LINGO1: variants seen among roughly 807,000 people sequenced by gnomAD.
The protein encoded by LINGO1 is leucine-rich repeat and immunoglobulin-like domain-containing nogo receptor-interacting protein 1.
Under a neutral mutation model 37.3 loss-of-function variants are expected in LINGO1, and 11 were observed. That is an observed-to-expected ratio of 0.29 (90% CI 0.19 to 0.49). The LOEUF is 0.49. LINGO1 is among the 20% of genes least tolerant of loss of function. The pLI, the probability that LINGO1 is intolerant of heterozygous loss-of-function variation, is 0.99. For missense variants in LINGO1, 585 were observed against 878.2 expected, an observed-to-expected ratio of 0.67 and a Z score of 4.22; for synonymous variants, 387 against 403.0, an observed-to-expected ratio of 0.96 and a Z score of 0.48.
At chr15:77,713,210 T>TTGTGTGTGTGTG (rs57831674) in intron 2 of LINGO1, among the ~76,000 whole-genome samples, 1,615 of 123,754 alleles carry the variant, frequency 0.013, 45 homozygotes, top group Admixed American at 0.039. Flanking sequence ...GCCCAGCTAA[T>TTGTGTGTGTGTG]TGTGTGTGTG....
At chr15:77,785,219 C>A (rs1203625887) in intron 1 of LINGO1, 2 of 152,216 alleles carry the variant, frequency 1.3e-5, no homozygotes, top group African/African-American at 4.8e-5. Flanking sequence ...AGCCTCCCAG[C>A]CCTCTCAGCC....
chr15:77,730,673 C>T (rs773472342), intron 2 of LINGO1, among the ~76,000 whole-genome samples: 20 of 152,236 alleles, frequency 1.3e-4, no homozygotes, highest in Non-Finnish European at 2.5e-4. Context: ...CATCAGTAGA[C>T]GCTCTGGAGC....
At chr15:77,711,507 T>C (rs545624626) in intron 2 of LINGO1, among the ~76,000 whole-genome samples, 9 of 152,214 alleles carry the variant, frequency 5.9e-5, no homozygotes, top group African/African-American at 1.7e-4. Flanking sequence ...TGAATGAGTG[T>C]TGGTAAAGAT....
chr15:77,795,928 T>C (rs1477145575), intron 2 of LINGO1: 1 of 152,214 alleles, frequency 6.6e-6, no homozygotes, highest in Admixed American at 6.5e-5. Context: ...CCACCCAGAG[T>C]GGCATCTTAC....
chr15:77,668,443 T>C (rs1184935379), intron 3 of LINGO1, among the ~76,000 whole-genome samples: 1 of 152,156 alleles, frequency 6.6e-6, no homozygotes, highest in East Asian at 1.9e-4. Flanking sequence ...AACCTGCATG[T>C]AATGCCAGTC....
chr15:77,776,488 A>AGGAAG lies in LINGO1; in HGVS notation c.-257+10380_-257+10381insCTTCC, dbSNP rs1567577582. On this transcript the variant is annotated intron_variant, in intron 1 of 3. Coordinates refer to the LINGO1 transcript ENST00000561686. Reference sequence around the variant, plus strand: ...AGGCAGGAAGGCAGGAAGGCAGGAAAGCAGGAAGGCAGGAAGGCAGGAAGG... The same window carrying AGGAAG: ...AGGCAGGAAGGCAGGAAGGCAGGAAAGGAAGGCAGGAAGGCAGGAAGGCAGGAAGG... Among the ~76,000 whole-genome samples, 74 of 90,654 alleles carry AGGAAG rather than the reference A, an allele frequency of 8.2e-4. 1 individual carries two copies. The highest frequency in any genetic ancestry group is 3.2e-3 in the African/African-American group (65 of 20,200). The allele number at this position is 90,654 out of a possible 152,430, so 59.5% of individuals were successfully genotyped here. A position where few individuals can be genotyped will look rare whatever the true frequency, so the allele number is the denominator to read the frequency against.
chr15:77,783,668 T>C (rs1425097177), intron 1 of LINGO1, among the ~76,000 whole-genome samples: 2 of 152,210 alleles, frequency 1.3e-5, no homozygotes, highest in South Asian at 4.1e-4. Context: ...GATGAGACTG[T>C]ATCTCAAAAC....
intron 1 of LINGO1, among the ~76,000 whole-genome samples, chr15:77,765,715 G>A (rs897471729): frequency 2.0e-5 from 3 of 152,096 alleles, no homozygotes; most frequent in South Asian, 4.2e-4. Flanking sequence ...GAAAACTGAA[G>A]GAGTAGTTGA....
At chr15:77,617,268 C>T (rs2073759595) in intron 1 of LINGO1, among the ~76,000 whole-genome samples, 1 of 152,170 alleles carries the variant, frequency 6.6e-6, no homozygotes, top group African/African-American at 2.4e-5. Context: ...CCATCTCCTC[C>T]TTCCCTCTTC....
chr15:77,733,937 G>A (rs1277057393), intron 2 of LINGO1, among the ~76,000 whole-genome samples: 1 of 152,154 alleles, frequency 6.6e-6, no homozygotes, highest in Non-Finnish European at 1.5e-5. Context: ...CACATCTATT[G>A]AGCACCAACT....
intron 1 of LINGO1, among the ~76,000 whole-genome samples, chr15:77,745,254 G>A (rs941589349): frequency 2.2e-4 from 34 of 151,684 alleles, no homozygotes; most frequent in African/African-American, 8.0e-4. Context: ...GTGAAACTCC[G>A]TCTCTACTAA....
intron 1 of LINGO1, among the ~76,000 whole-genome samples, chr15:77,781,468 G>A (rs1259254578): frequency 2.0e-5 from 3 of 152,198 alleles, no homozygotes; most frequent in Non-Finnish European, 2.9e-5. Flanking sequence ...TAATTAAAGT[G>A]GATTAAAATT....
intron 1 of LINGO1, among the ~76,000 whole-genome samples, chr15:77,761,611 A>G (rs1429896528): frequency 6.6e-6 from 1 of 152,258 alleles, no homozygotes; most frequent in African/African-American, 2.4e-5. Flanking sequence ...AGTCAGGCAC[A>G]GGACATTCCA....
At chr15:77,790,466 AG>A (rs2076809746), upstream of LINGO1, among the ~76,000 whole-genome samples, 1 of 152,162 alleles carries the variant, frequency 6.6e-6, no homozygotes, top group African/African-American at 2.4e-5. Context: ...AGACACACAG[AG>A]GGGCTGGGTG....
intron 1 of LINGO1, among the ~76,000 whole-genome samples, chr15:77,778,740 A>G (rs943537485): frequency 2.6e-5 from 4 of 152,118 alleles, no homozygotes; most frequent in Non-Finnish European, 4.4e-5. Context: ...GATTATTTCA[A>G]CAGCCTCCCC....
Position 77,622,891 on chromosome 15 carries a change from C to T in LINGO1, c.7-6991G>A, listed in dbSNP as rs1424269356. Among the ~76,000 whole-genome samples the T allele has an allele frequency of 2.6e-5, 4 of 152,370 alleles. No homozygotes were observed. The South Asian group carries it at 8.3e-4, about 32-fold the overall frequency. On this transcript the variant is annotated intron_variant, in intron 1 of 1. Transcript: ENST00000355300. ...CTCTAGCCTGAGAAGAAGCAACGGCCTCTGGCGGGTCCCCTCTGGATCTCC... is the reference window on the plus strand; with the variant it reads ...CTCTAGCCTGAGAAGAAGCAACGGCTTCTGGCGGGTCCCCTCTGGATCTCC...
At position 77,691,103 on chromosome 15, in the gene LINGO1, C is replaced by T. The variant is rs545990479; in HGVS notation, c.-280-202G>A. 1.6e-4 allele frequency among the ~76,000 whole-genome samples: 25 copies of T among 152,288 alleles called. No homozygotes were observed. The South Asian group carries it at 2.7e-3, about 16-fold the overall frequency. ...GTCTCTGCACTGTCCAATATGGCAG[C>T]CACCAGTCATATGCGGATATTGCAA... On this transcript the variant is annotated intron_variant, in intron 1 of 3. Coordinates refer to the LINGO1 transcript ENST00000559893.
intron 1 of LINGO1, among the ~76,000 whole-genome samples, chr15:77,748,477 C>T (rs953923904): frequency 2.6e-5 from 4 of 152,228 alleles, no homozygotes; most frequent in Non-Finnish European, 4.4e-5. Flanking sequence ...GCTCAGGGCC[C>T]GCCCTCAAGG....
chr15:77,627,007 G>A (rs1375936424), intron 1 of LINGO1, among the ~76,000 whole-genome samples: 2 of 143,514 alleles, frequency 1.4e-5, no homozygotes, highest in African/African-American at 5.2e-5. Flanking sequence ...GAAGAAGCGT[G>A]CTGGCCAGGC....
Sources: allele counts gnomAD v4.1 joint callset (sites outside exome capture counted in the v4.1 genomes callset), GRCh38; gene constraint gnomAD v4.1.1; transcripts MANE v1.5; gene names NCBI Gene and HGNC (gene_info 2026-07-23, HGNC 2026-07-21).